ZC3H13: variants seen among roughly 807,000 people sequenced by gnomAD.
ZC3H13 encodes zinc finger CCCH-type containing 13.
In ZC3H13, 64 loss-of-function variants were observed where a neutral mutation model predicts 204.1. That is an observed-to-expected ratio of 0.31 (90% CI 0.26 to 0.39). The LOEUF (loss-of-function observed/expected upper bound fraction) is 0.39. Ranked by LOEUF, ZC3H13 falls within the 10% of genes least tolerant of loss-of-function variation. The probability of loss-of-function intolerance (pLI) is 1.00; values close to 1 mark genes in which losing one functional copy is unlikely to be tolerated. For missense variants in ZC3H13, 1,833 were observed against 2,082.7 expected (o/e 0.88, Z 2.33); for synonymous variants, 667 against 693.7 (o/e 0.96, Z 0.60).
intron 12 of ZC3H13, among the ~76,000 whole-genome samples, chr13:45,973,028 T>A (rs1952714873): frequency 6.6e-6 from 1 of 152,206 alleles, no homozygotes; most frequent in Non-Finnish European, 1.5e-5. Flanking sequence ...TTACTCCAAG[T>A]GAGACCAACA....
intron 4 of ZC3H13, among the ~76,000 whole-genome samples, chr13:46,032,620 T>C (rs1482923284): frequency 1.3e-5 from 2 of 152,180 alleles, no homozygotes; most frequent in East Asian, 3.8e-4. Context: ...CATTTACCCT[T>C]TGACACAGCA....
intron 4 of ZC3H13, among the ~76,000 whole-genome samples, chr13:46,023,873 C>A (rs966933027): frequency 2.0e-5 from 3 of 152,134 alleles, no homozygotes; most frequent in Admixed American, 1.3e-4. Context: ...CAATCTGGGT[C>A]TCCTCAGTGT....
rs940071286 is a variant in ZC3H13 at position 45,985,521 on chromosome 13, C to G, written c.1496G>C (p.Arg499Pro). The change falls in exon 10 of 19, where the codon CGG becomes CCG. Residue 499 changes from arginine (R) to proline (P), a missense_variant. By Grantham distance (103) the Arg-to-Pro change is moderately radical. Transcript: ENST00000679008. ...GTAGTCATGGGCATCACGAGTGGACCGAGAATCTCTGGGATCACGGCTCTC... is the reference window on the plus strand; with the variant it reads ...GTAGTCATGGGCATCACGAGTGGACGGAGAATCTCTGGGATCACGGCTCTC... The part of the protein sequence containing the change: ...TKESRDPRDS[R>P]STRDAHDYRD... 1 of 1,614,110 alleles carries G rather than the reference C, an allele frequency of 6.2e-7. No homozygotes were observed. Among genetic ancestry groups the G allele is most frequent in the Admixed American group, 1.7e-5 (1 of 60,002 alleles).
intron 4 of ZC3H13, among the ~76,000 whole-genome samples, chr13:46,031,950 C>T (rs2042923853): frequency 6.6e-6 from 1 of 152,184 alleles, no homozygotes; most frequent in African/African-American, 2.4e-5. Context: ...AAACATATGT[C>T]CACACAAAAA....
chr13:45,962,872 T>C (rs897173682), intron 17 of ZC3H13: 6 of 985,200 alleles, frequency 6.1e-6, no homozygotes, highest in Admixed American at 6.2e-5. Context: ...TATTAGTAAG[T>C]TGCAAAATAA....
At position 45,969,091 on chromosome 13, in the gene ZC3H13, A is replaced by G. The variant is rs759678132; in HGVS notation, c.3453T>C (p.Phe1151=). The G allele has an allele frequency of 6.8e-6, 11 of 1,614,104 alleles. No individual in the cohort carries two copies. The highest frequency in any genetic ancestry group is 1.7e-4 in the Middle Eastern group (1 of 6,060). Residue 1151 remains phenylalanine, a synonymous_variant, in exon 14 of 19, where the codon TTT becomes TTC. Transcript: ENST00000679008. ...ATTTTCTGTGTGAGTCTTCATTGGC[A>G]AAAGTATTATTGGTGGTATTGGTGG... The part of the protein sequence containing the change: ...ATPTNTTNNT[F]ANEDSHRKCH...
intron 10 of ZC3H13, among the ~76,000 whole-genome samples, chr13:45,983,534 C>T (rs1001615717): frequency 2.2e-5 from 3 of 139,294 alleles, no homozygotes; most frequent in East Asian, 4.5e-4. Context: ...TCATGCCATT[C>T]TCCTGCCTCA....
chr13:45,959,470 G>A lies in ZC3H13; in HGVS notation c.4839+13C>T. ...CTATTCACTTTGTATTTTTTCCAAG[G>A]AAATAACAGTACCTTCTCATTTTTA... On this transcript the variant is annotated intron_variant, in intron 18 of 18. Coordinates refer to ENST00000679008, the MANE Select transcript of ZC3H13 (RefSeq NM_001330564.2). The A allele has an allele frequency of 6.6e-7, 1 of 1,522,900 alleles. No individual in the cohort carries two copies. The highest frequency in any genetic ancestry group is 8.8e-7 in the Non-Finnish European group (1 of 1,136,118). 94.3% of individuals were successfully genotyped at this position (1,522,900 alleles called of 1,614,324 possible). A position where few individuals can be genotyped will look rare whatever the true frequency, so the allele number is the denominator to read the frequency against.
chr13:46,032,029 T>C (rs73480555), intron 4 of ZC3H13, among the ~76,000 whole-genome samples: 3,641 of 152,146 alleles, frequency 0.024, 153 homozygotes, highest in African/African-American at 0.083. Context: ...AACATGTCCT[T>C]TGGTAGGTCA....
chr13:46,041,051 G>A (rs1312048129), intron 4 of ZC3H13, among the ~76,000 whole-genome samples: 2 of 152,076 alleles, frequency 1.3e-5, no homozygotes, highest in African/African-American at 4.8e-5. Flanking sequence ...CACAGTTACC[G>A]TAGAACTTGT....
At position 45,963,931 on chromosome 13, in the gene ZC3H13, A is replaced by C. The variant is rs1259778114; in HGVS notation, c.4586T>G (p.Leu1529Arg). 2 of 1,614,166 alleles carry C rather than the reference A, an allele frequency of 1.2e-6. No individual in the cohort carries two copies. The highest frequency in any genetic ancestry group is 1.3e-5 in the African/African-American group (1 of 75,060). The change falls in exon 17 of 19, where the codon CTA (leucine) becomes CGA (arginine). Residue 1529 changes from leucine (L) to arginine (R), a missense_variant. Leu to Arg is a moderately radical substitution (Grantham distance 102). Transcript: ENST00000679008. ...CAACTTTTTAGAAATCCCAACTCTT[A>C]GCATAACAGCTCCAGGTGTGAATTT... ...LLKFTPGAVMLRVGISKKLAG... is the reference protein window; with the variant it reads ...LLKFTPGAVMRRVGISKKLAG...
intron 18 of ZC3H13, among the ~76,000 whole-genome samples, chr13:45,958,648 GTTT>G (rs10539884): frequency 0.021 from 2,602 of 123,648 alleles, 89 homozygotes; most frequent in Middle Eastern, 0.071. Context: ...AAAAATCCCA[GTTT>G]TTTTTTTTTT....
At chr13:46,042,129 G>C in intron 4 of ZC3H13, 35 bp downstream of exon 4, 1 of 1,503,580 alleles carries the variant, frequency 6.7e-7, no homozygotes, top group Non-Finnish European at 9.2e-7. Context: ...AATCACTACT[G>C]AAGTTGAACT....
chr13:45,977,764 T>C (rs549619064), intron 11 of ZC3H13, among the ~76,000 whole-genome samples: 2 of 152,238 alleles, frequency 1.3e-5, no homozygotes, highest in South Asian at 4.1e-4. Context: ...GGTATCCTTG[T>C]TTTCAATCTT....
In ZC3H13 at chr13:46,006,756, A is replaced by G. The variant is rs188966872; in HGVS notation, c.747-3420T>C. ...AGTATCTACCTCAAAATTGCTGGCAATATTTTAAAAGCACTTGACTCATAG... is the reference window on the plus strand; with the variant it reads ...AGTATCTACCTCAAAATTGCTGGCAGTATTTTAAAAGCACTTGACTCATAG... On this transcript the variant is annotated intron_variant, in intron 7 of 18. Transcript: ENST00000679008. Among the ~76,000 whole-genome samples the G allele has an allele frequency of 4.4e-4, 60 of 136,080 alleles. 1 individual carries two copies. In the East Asian group the frequency reaches 0.01, roughly 24 times the overall value. 89.3% of individuals were successfully genotyped at this position (136,080 alleles called of 152,430 possible).
chr13:46,004,984 T>C (rs144991009), intron 7 of ZC3H13, among the ~76,000 whole-genome samples: 41 of 152,338 alleles, frequency 2.7e-4, no homozygotes, highest in Non-Finnish European at 4.4e-4. Flanking sequence ...TAACAATAGT[T>C]TAATTGAATA....
At chr13:46,009,039 T>C (rs1175602826) in intron 7 of ZC3H13, among the ~76,000 whole-genome samples, 3 of 152,084 alleles carry the variant, frequency 2.0e-5, no homozygotes, top group African/African-American at 7.2e-5. Flanking sequence ...AAAACATAAG[T>C]CACAGCTGAA....
chr13:45,998,582 G>A (rs1449628294), intron 8 of ZC3H13, among the ~76,000 whole-genome samples: 3 of 152,022 alleles, frequency 2.0e-5, no homozygotes, highest in Non-Finnish European at 2.9e-5. Flanking sequence ...CCAGGAGATG[G>A]AGCTTGCAAT....
At chr13:45,963,063 C>T (rs1417403196) in intron 17 of ZC3H13, 1 of 984,470 alleles carries the variant, frequency 1.0e-6, no homozygotes, top group East Asian at 1.1e-4. Flanking sequence ...TACTATATGC[C>T]AGGAACTGTT....
Sources: allele counts gnomAD v4.1 joint callset (sites outside exome capture counted in the v4.1 genomes callset), GRCh38; gene constraint gnomAD v4.1.1; transcripts MANE v1.5; gene names NCBI Gene and HGNC (gene_info 2026-07-23, HGNC 2026-07-21).